The following PTPRN2 variants were observed in gnomAD, a reference collection of about 807,000 sequenced individuals.
PTPRN2 encodes protein tyrosine phosphatase receptor type N2.
A neutral mutation model predicts 118.8 loss-of-function variants in PTPRN2; 74 were observed. The observed-to-expected ratio is 0.62, with a 90% CI of 0.52 to 0.76. The LOEUF (loss-of-function observed/expected upper bound fraction) is 0.76, where lower values mean the gene tolerates loss of function less well. Among genes scored for constraint, PTPRN2 ranks in the 30% least tolerant of loss-of-function variants. PTPRN2 has a pLI of 0.00. For synonymous variants in PTPRN2, 641 were observed against 608.0 expected (o/e 1.05, Z -0.80); for missense variants, 1,481 against 1,394.4 (o/e 1.06, Z -0.99).
chr7:157,910,998 A>G (rs1364031232), intron 11 of PTPRN2, among the ~76,000 whole-genome samples: 1 of 152,216 alleles, frequency 6.6e-6, no homozygotes, highest in Non-Finnish European at 1.5e-5. Context: ...TAATTCCCAG[A>G]GAGGGAGAAG....
chr7:157,792,121 C>T (rs1804545496), intron 12 of PTPRN2, among the ~76,000 whole-genome samples: 1 of 152,224 alleles, frequency 6.6e-6, no homozygotes, highest in South Asian at 2.1e-4. Context: ...AAGCCCCCTC[C>T]CCGTTCATGC....
At chr7:158,090,820 A>G (rs1233793383) in intron 10 of PTPRN2, among the ~76,000 whole-genome samples, 1 of 152,208 alleles carries the variant, frequency 6.6e-6, no homozygotes, top group African/African-American at 2.4e-5. Context: ...AAAAATACAT[A>G]TAATTATCTG....
chr7:158,130,454 A>AC (rs1818090241), intron 9 of PTPRN2, among the ~76,000 whole-genome samples: 2 of 6,716 alleles, frequency 3.0e-4, no homozygotes, highest in African/African-American at 9.4e-4. Context: ...ATACACATCT[A>AC]CCCAACACAC....
intron 9 of PTPRN2, among the ~76,000 whole-genome samples, chr7:158,114,587 A>C (rs1816570684): frequency 1.3e-5 from 2 of 152,192 alleles, no homozygotes; most frequent in South Asian, 4.1e-4. Context: ...ATGGAAGCAG[A>C]GATGAGAGAG....
At chr7:158,299,792 C>T (rs943757648) in intron 3 of PTPRN2, among the ~76,000 whole-genome samples, 4 of 152,164 alleles carry the variant, frequency 2.6e-5, no homozygotes, top group South Asian at 2.1e-4. Flanking sequence ...GAGCAGTTGG[C>T]GGTTCCCAGG....
intron 13 of PTPRN2, among the ~76,000 whole-genome samples, chr7:157,670,655 T>C (rs543415819): frequency 1.3e-5 from 2 of 152,170 alleles, no homozygotes; most frequent in African/African-American, 4.8e-5. Flanking sequence ...GACAAATCCC[T>C]CCCTTCCCGG....
At chr7:158,399,766 G>C (rs989762150) in intron 2 of PTPRN2, among the ~76,000 whole-genome samples, 1 of 152,234 alleles carries the variant, frequency 6.6e-6, no homozygotes. Flanking sequence ...TGGGTTTCCA[G>C]TGAAAGGTGC....
At chr7:158,216,525 T>C (rs1224698295) in intron 3 of PTPRN2, among the ~76,000 whole-genome samples, 1 of 152,102 alleles carries the variant, frequency 6.6e-6, no homozygotes, top group Non-Finnish European at 1.5e-5. Flanking sequence ...TTTAAAAATA[T>C]ATCATGTAAG....
chr7:158,040,739 T>TC (rs1365182343), intron 11 of PTPRN2, among the ~76,000 whole-genome samples: 1 of 147,954 alleles, frequency 6.8e-6, no homozygotes, highest in Admixed American at 6.7e-5. Flanking sequence ...TTTCTTTCTT[T>TC]TTTTTTTTTT....
At chr7:157,657,126 TAC>T (rs1458894054) in intron 13 of PTPRN2, among the ~76,000 whole-genome samples, 1 of 99,592 alleles carries the variant, frequency 1.0e-5, no homozygotes, top group African/African-American at 4.1e-5. Context: ...ATCACACATA[TAC>T]ACACACATAC....
intron 2 of PTPRN2, among the ~76,000 whole-genome samples, chr7:158,479,318 T>C (rs2129444806): frequency 6.6e-6 from 1 of 151,968 alleles, no homozygotes; most frequent in African/African-American, 2.4e-5. Flanking sequence ...GGCCTGGAGC[T>C]CCCGAATGGT....
intron 12 of PTPRN2, among the ~76,000 whole-genome samples, chr7:157,860,605 A>C (rs111484579): frequency 0.021 from 3,160 of 152,276 alleles, 124 homozygotes; most frequent in African/African-American, 0.073. Context: ...ACTAGATACC[A>C]CTCCATGCAA....
rs139642507 is a variant in PTPRN2 at position 157,607,268 on chromosome 7, G to C, written c.2345-3193C>G. ...TCCAGAAACCCAGTTTCACAGTGGG[G>C]CCACACAGACACCGCAGCCAGAGAT... On this transcript the variant is annotated intron_variant, in intron 15 of 22. Coordinates refer to ENST00000389418, the MANE Select transcript of PTPRN2 (RefSeq NM_002847.5). Among the ~76,000 whole-genome samples, 667 of 152,356 alleles carry C rather than the reference G, an allele frequency of 4.4e-3. 5 individuals are homozygous for C. Among genetic ancestry groups the C allele is most frequent in the African/African-American group, 0.015 (633 of 41,590 alleles).
rs766534288 is a variant in PTPRN2, at chr7:158,138,431, A to T, written c.995T>A (p.Met332Lys). 1 of 1,613,418 alleles carries T rather than the reference A, an allele frequency of 6.2e-7. No individual in the cohort carries two copies. The change falls in exon 7 of 23, where the codon ATG becomes AAG. Residue 332 changes from methionine to lysine, a missense_variant. Coordinates refer to ENST00000389418, the MANE Select transcript of PTPRN2 (RefSeq NM_002847.5). The part of the protein sequence containing the change: ...RGLSGLELDG[M>K]AELMAGLMQG... ...CATCAGGCCAGCCATCAGCTCAGCC[A>T]TGCCGTCCAGCTCCAGGCCACTCAG... is the stretch of plus-strand genomic sequence containing the variant.
intron 11 of PTPRN2, among the ~76,000 whole-genome samples, chr7:158,070,845 GGT>G (rs1811306090): frequency 7.7e-5 from 10 of 130,064 alleles, no homozygotes; most frequent in African/African-American, 3.2e-4. Context: ...TGCCCATGGT[GGT>G]ATGGAGGTGC....
chr7:158,502,434 C>T (rs879624771), intron 1 of PTPRN2, among the ~76,000 whole-genome samples: 15 of 152,178 alleles, frequency 9.9e-5, no homozygotes, highest in Non-Finnish European at 2.1e-4. Context: ...AAGACAGGTG[C>T]CCACCAGAAC....
chr7:157,800,558 AATAG>A (rs1339809409), intron 12 of PTPRN2, among the ~76,000 whole-genome samples: 1 of 152,254 alleles, frequency 6.6e-6, no homozygotes, highest in Non-Finnish European at 1.5e-5. Context: ...GTTCTGTGGA[AATAG>A]ATGTTGTGTT....
chr7:158,329,277 C>T (rs377546558), intron 2 of PTPRN2, among the ~76,000 whole-genome samples: 46 of 152,262 alleles, frequency 3.0e-4, no homozygotes, highest in African/African-American at 1.0e-3. Context: ...AAGACAGTGC[C>T]GAGAACACAG....
intron 11 of PTPRN2, among the ~76,000 whole-genome samples, chr7:157,994,421 C>A (rs922892841): frequency 6.6e-6 from 1 of 151,564 alleles, no homozygotes; most frequent in African/African-American, 2.4e-5. Flanking sequence ...GAGGAAGATG[C>A]CTGTGTTTCC....
Sources: gnomAD v4.1 joint callset for allele counts (sites outside exome capture counted in the v4.1 genomes callset) on GRCh38, gnomAD v4.1.1 for gene constraint, MANE v1.5 for transcripts, NCBI Gene and HGNC (gene_info 2026-07-23, HGNC 2026-07-21) for gene names.